The following TBC1D9 variants were observed in gnomAD, a reference collection of about 807,000 sequenced individuals.
The protein encoded by TBC1D9 is TBC1 domain family member 9, also known as TBC1 domain family member 9A.
TBC1D9 carries 63 observed loss-of-function variants against 132.0 expected under a neutral mutation model. The observed-to-expected ratio is 0.48, with a 90% CI of 0.39 to 0.59. The LOEUF (loss-of-function observed/expected upper bound fraction) is 0.59, where lower values mean the gene tolerates loss of function less well. Among genes scored for constraint, TBC1D9 ranks in the 20% least tolerant of loss-of-function variants. TBC1D9 has a pLI of 0.00. For missense variants in TBC1D9, 1,261 were observed against 1,592.7 expected (o/e 0.79, Z 3.54); for synonymous variants, 610 against 609.9 (o/e 1.00, Z 0.00).
At chr4:140,692,837 T>G (rs556685409) in intron 2 of TBC1D9, among the ~76,000 whole-genome samples, 186 of 152,054 alleles carry the variant, frequency 1.2e-3, no homozygotes, top group Non-Finnish European at 2.3e-3. Context: ...CTGGGCAACA[T>G]GGCAATACCC....
chr4:140,654,962 A>C (rs1191301898), intron 13 of TBC1D9, among the ~76,000 whole-genome samples: 1 of 152,188 alleles, frequency 6.6e-6, no homozygotes, highest in Non-Finnish European at 1.5e-5. Context: ...TAAATGTCTA[A>C]CAAAAGGGAA....
chr4:140,735,951 C>A (rs1738667245), intron 1 of TBC1D9, among the ~76,000 whole-genome samples: 1 of 152,140 alleles, frequency 6.6e-6, no homozygotes, highest in Non-Finnish European at 1.5e-5. Context: ...AGCAAGGATA[C>A]AACCTAACCT....
At chr4:140,740,624 A>T (rs1173339387) in intron 1 of TBC1D9, among the ~76,000 whole-genome samples, 1 of 152,146 alleles carries the variant, frequency 6.6e-6, no homozygotes, top group African/African-American at 2.4e-5. Context: ...CTTTTCCCAC[A>T]TGCCTTCCCC....
Position 140,628,364 on chromosome 4 carries a change from A to G in TBC1D9, c.2748T>C (p.Ser916=), listed in dbSNP as rs1211422318. ...INFREFVSGL[S]AACHGDLTEK... is the part of the protein sequence containing the mutation. The stretch of plus-strand genomic sequence containing the variant: ...CTGTGAGGTCCCCATGGCATGCAGC[A>G]CCTAGAAGTCACATAAGTACCAATG... Residue 916 remains serine (S), a splice_region_variant and synonymous_variant, in exon 17 of 21, where the codon AGT becomes AGC. Transcript: ENST00000442267. 1.2e-6 allele frequency: 2 copies of G among 1,613,774 alleles called. No individual in the cohort carries two copies. Among genetic ancestry groups the G allele is most frequent in the Non-Finnish European group, 8.5e-7 (1 of 1,179,662 alleles).
chr4:140,755,948 G>T lies in TBC1D9; in HGVS notation c.98C>A (p.Ala33Asp). The T allele has an allele frequency of 2.5e-6, 4 of 1,593,604 alleles. No homozygotes were observed. The highest frequency in any genetic ancestry group is 1.7e-6 in the Non-Finnish European group (2 of 1,171,474). Residue 33 changes from alanine (A) to aspartate (D), a missense_variant, in exon 1 of 21, where the codon GCC becomes GAC. This residue lies in a region of TBC1D9 where 550 missense variants were observed against 699.0 expected (regional missense o/e 0.79). Coordinates refer to ENST00000442267, the MANE Select transcript of TBC1D9 (RefSeq NM_015130.3). ...TCCGCCGCCGCCGCCTCCATCGCCG[G>T]CGTGGCCCTTCCTCCGCTGCAGGAT... Reference protein sequence around the residue: ...YFILQRRKGHAGDGGGGGGLA... With the variant: ...YFILQRRKGHDGDGGGGGGLA...
intron 9 of TBC1D9, among the ~76,000 whole-genome samples, chr4:140,665,065 C>T (rs1256404881): frequency 1.3e-5 from 2 of 150,568 alleles, no homozygotes; most frequent in Non-Finnish European, 2.9e-5. Flanking sequence ...CAAGATTATG[C>T]CATTGCACTC....
intron 15 of TBC1D9, among the ~76,000 whole-genome samples, chr4:140,637,272 C>T (rs1188290168): frequency 6.6e-6 from 1 of 152,130 alleles, no homozygotes; most frequent in Non-Finnish European, 1.5e-5. Flanking sequence ...ATCGCTTGAA[C>T]CTGGGAGGCA....
intron 1 of TBC1D9, among the ~76,000 whole-genome samples, chr4:140,709,248 T>TCTCTCTCTCTCTCTCACA (rs1382500714): frequency 1.9e-5 from 2 of 104,148 alleles, no homozygotes; most frequent in African/African-American, 8.8e-5. Context: ...TCTCTCTCTC[T>TCTCTCTCTCTCTCTCACA]CACACACACA....
At chr4:140,753,069 A>G (rs1160705435) in intron 1 of TBC1D9, among the ~76,000 whole-genome samples, 1 of 152,078 alleles carries the variant, frequency 6.6e-6, no homozygotes, top group Non-Finnish European at 1.5e-5. Context: ...TCTAAGCTCA[A>G]GCGTCACTTC....
chr4:140,642,246 T>C (rs1737012873), intron 13 of TBC1D9: 3 of 718,250 alleles, frequency 4.2e-6, no homozygotes, highest in Non-Finnish European at 7.5e-6. Context: ...TTCCTCTGAG[T>C]CTGTATTGTA....
At chr4:140,643,007 G>A (rs1737032184) in intron 13 of TBC1D9, 5 of 776,704 alleles carry the variant, frequency 6.4e-6, no homozygotes, top group Non-Finnish European at 1.0e-5. Context: ...GTTCCAGGAC[G>A]TCCATGTCCT....
chr4:140,708,694 A>G (rs1738183694), intron 1 of TBC1D9, among the ~76,000 whole-genome samples: 1 of 152,184 alleles, frequency 6.6e-6, no homozygotes, highest in Non-Finnish European at 1.5e-5. Flanking sequence ...TAGAGGCACC[A>G]TAGCCAATGT....
intron 1 of TBC1D9, among the ~76,000 whole-genome samples, chr4:140,720,501 T>C (rs1738407402): frequency 1.3e-5 from 2 of 152,154 alleles, no homozygotes; most frequent in African/African-American, 2.4e-5. Flanking sequence ...AATTATTATC[T>C]CCATTTCACA....
intron 1 of TBC1D9, among the ~76,000 whole-genome samples, chr4:140,718,543 A>G (rs1175416259): frequency 6.6e-6 from 1 of 152,152 alleles, no homozygotes; most frequent in Non-Finnish European, 1.5e-5. Context: ...AACAACAATG[A>G]CTGAACATTT....
At chr4:140,751,125 T>C (rs1014330551) in intron 1 of TBC1D9, among the ~76,000 whole-genome samples, 1 of 152,186 alleles carries the variant, frequency 6.6e-6, no homozygotes, top group African/African-American at 2.4e-5. Flanking sequence ...TAAACTCTTA[T>C]GATAAAAGTA....
intron 3 of TBC1D9, among the ~76,000 whole-genome samples, chr4:140,682,990 G>A (rs541006336): frequency 7.9e-5 from 12 of 152,102 alleles, no homozygotes; most frequent in Non-Finnish European, 1.6e-4. Context: ...GGGTTCAAGT[G>A]ATTCTCCTGC....
chr4:140,674,693 T>A (rs7681828), intron 6 of TBC1D9, among the ~76,000 whole-genome samples: 14,382 of 134,592 alleles, frequency 0.11, 755 homozygotes, highest in African/African-American at 0.17. Flanking sequence ...ATATATATAT[T>A]TTTTTTTAAT....
In TBC1D9 at chr4:140,633,918, C is replaced by G. The variant is rs764604394; in HGVS notation, c.2746+30G>C. 2.5e-6 allele frequency: 4 copies of G among 1,610,738 alleles called. No individual in the cohort carries two copies. In the East Asian group the frequency reaches 8.9e-5, roughly 36 times the overall value. On this transcript the variant is annotated intron_variant, in intron 16 of 20. Coordinates refer to ENST00000442267, the MANE Select transcript of TBC1D9 (RefSeq NM_015130.3). ...CTAGGCACAACTCCAGCATCCCATC[C>G]CAACTCATGCAATAGTACCACGTCC...
intron 2 of TBC1D9, among the ~76,000 whole-genome samples, chr4:140,689,361 C>A (rs1450438992): frequency 6.6e-6 from 1 of 151,992 alleles, no homozygotes; most frequent in Non-Finnish European, 1.5e-5. Flanking sequence ...CAGCTTTGCA[C>A]AAGCTGCTTT....
Sources: gnomAD v4.1 joint callset for allele counts (sites outside exome capture counted in the v4.1 genomes callset) on GRCh38, gnomAD v4.1.1 for gene constraint, gnomAD v4.1.1 regional missense constraint, MANE v1.5 for transcripts, NCBI Gene and HGNC (gene_info 2026-07-23, HGNC 2026-07-21) for gene names.